The following FILIP1L variants were observed in gnomAD, a reference collection of about 807,000 sequenced individuals.
FILIP1L encodes the protein filamin A-interacting protein 1-like.
FILIP1L carries 55 observed loss-of-function variants against 96.6 expected under a neutral mutation model. The ratio of observed to expected loss-of-function variants is 0.57; its 90% CI spans 0.46 to 0.71. FILIP1L has a LOEUF of 0.71. Among genes scored for constraint, FILIP1L ranks in the 30% least tolerant of loss-of-function variants. The pLI is 0.00. For missense variants in FILIP1L, 1,304 were observed against 1,321.2 expected (o/e 0.99, Z 0.20); for synonymous variants, 467 against 473.9 (o/e 0.99, Z 0.19).
At chr3:99,942,577 A>G (rs1230928493) in intron 1 of FILIP1L, among the ~76,000 whole-genome samples, 2 of 152,246 alleles carry the variant, frequency 1.3e-5, no homozygotes, top group Non-Finnish European at 2.9e-5. Context: ...CACGCCTGTA[A>G]TCCCAGCCCT....
intron 1 of FILIP1L, among the ~76,000 whole-genome samples, chr3:100,046,222 C>A (rs2065276947): frequency 6.6e-6 from 1 of 152,060 alleles, no homozygotes; most frequent in African/African-American, 2.4e-5. Flanking sequence ...TGATCAGGGC[C>A]AGGATATTCC....
At chr3:99,983,392 A>ATGTG (rs1314015302) in intron 1 of FILIP1L, among the ~76,000 whole-genome samples, 9 of 22,656 alleles carry the variant, frequency 4.0e-4, no homozygotes, top group Non-Finnish European at 9.0e-4. Flanking sequence ...ATAAATAAAT[A>ATGTG]TATATATATA....
At position 99,925,864 on chromosome 3, in the gene FILIP1L, T is replaced by A. The variant is rs965266090; in HGVS notation, c.427-1456A>T. On this transcript the variant is annotated intron_variant, in intron 3 of 5. Transcript: ENST00000477258. Reference sequence around the variant, plus strand: ...AGACAGCCAAGCTCACTGGGCTGGTTTATCAGCTCCTGGCCTTGAGCTCCA... The same window carrying A: ...AGACAGCCAAGCTCACTGGGCTGGTATATCAGCTCCTGGCCTTGAGCTCCA... 17 of 985,320 alleles carry A rather than the reference T, an allele frequency of 1.7e-5. No homozygotes were observed. The African/African-American group carries it at 3.0e-4, about 17-fold the overall frequency. 61.0% of individuals were successfully genotyped at this position (985,320 alleles called of 1,614,324 possible).
chr3:99,837,009 C>G (rs1266298218), intron 5 of FILIP1L, among the ~76,000 whole-genome samples: 1 of 152,142 alleles, frequency 6.6e-6, no homozygotes, highest in Non-Finnish European at 1.5e-5. Flanking sequence ...ATAGGTTTGG[C>G]CTAAAAAAAT....
chr3:100,014,030 T>C (rs113684293), intron 1 of FILIP1L, among the ~76,000 whole-genome samples: 1 of 152,006 alleles, frequency 6.6e-6, no homozygotes. Context: ...CTGCTATGAA[T>C]TTGATTTTTT....
intron 4 of FILIP1L, among the ~76,000 whole-genome samples, chr3:99,866,822 G>GT (rs1162282850): frequency 6.6e-6 from 1 of 152,126 alleles, no homozygotes; most frequent in East Asian, 1.9e-4. Context: ...TTACAGACAG[G>GT]TGGAAAAGTT....
intron 4 of FILIP1L, 21 bp downstream of exon 4, chr3:99,924,209 G>A: frequency 6.2e-7 from 1 of 1,606,514 alleles, no homozygotes; most frequent in South Asian, 1.1e-5. Context: ...ATGGGACATT[G>A]TTTGCCCAAA....
chr3:99,996,230 A>G (rs1356987276), intron 1 of FILIP1L, among the ~76,000 whole-genome samples: 3 of 152,166 alleles, frequency 2.0e-5, no homozygotes, highest in Admixed American at 6.5e-5. Flanking sequence ...AAGTTTCACA[A>G]ATCTCTAGGG....
chr3:100,052,290 A>G (rs1296580576), intron 1 of FILIP1L, among the ~76,000 whole-genome samples: 1 of 152,244 alleles, frequency 6.6e-6, no homozygotes, highest in Non-Finnish European at 1.5e-5. Context: ...AGAAACGAAT[A>G]AAAAACTAAT....
At chr3:99,888,580 AC>A (rs1705982780) in intron 4 of FILIP1L, among the ~76,000 whole-genome samples, 2 of 152,154 alleles carry the variant, frequency 1.3e-5, no homozygotes, top group South Asian at 4.1e-4. Context: ...TTGATCCATC[AC>A]TGAAAATAGA....
intron 1 of FILIP1L, among the ~76,000 whole-genome samples, chr3:99,976,499 T>C (rs1256148086): frequency 6.6e-6 from 1 of 152,198 alleles, no homozygotes; most frequent in Non-Finnish European, 1.5e-5. Flanking sequence ...TGGACCTGCA[T>C]GTTACTTCAG....
intron 5 of FILIP1L, among the ~76,000 whole-genome samples, chr3:99,830,985 T>C (rs750767223): frequency 4.6e-5 from 7 of 152,220 alleles, no homozygotes; most frequent in Non-Finnish European, 7.3e-5. Flanking sequence ...GAATATGGCA[T>C]TTGACTTGGG....
chr3:100,007,054 A>G (rs1008151501), intron 1 of FILIP1L, among the ~76,000 whole-genome samples: 3 of 152,200 alleles, frequency 2.0e-5, no homozygotes, highest in Non-Finnish European at 1.5e-5. Flanking sequence ...TATTTTCCAC[A>G]TGAGGTTTAC....
At chr3:100,050,448 T>G (rs1305218214) in intron 1 of FILIP1L, among the ~76,000 whole-genome samples, 1 of 152,224 alleles carries the variant, frequency 6.6e-6, no homozygotes, top group Non-Finnish European at 1.5e-5. Context: ...CTTATCTGAT[T>G]ATGGTAAGAT....
At chr3:99,860,850 C>T (rs1944214876) in intron 4 of FILIP1L, among the ~76,000 whole-genome samples, 3 of 152,086 alleles carry the variant, frequency 2.0e-5, no homozygotes, top group Admixed American at 1.3e-4. Flanking sequence ...CTAGTAAGAA[C>T]CTTTGGACAA....
chr3:99,987,528 C>CAAA (rs1209242716), intron 1 of FILIP1L, among the ~76,000 whole-genome samples: 4 of 57,144 alleles, frequency 7.0e-5, no homozygotes, highest in African/African-American at 1.7e-4. Context: ...GATTCTGTCT[C>CAAA]AAAAAAAAAA....
intron 1 of FILIP1L, among the ~76,000 whole-genome samples, chr3:99,987,413 C>G (rs1709374756): frequency 6.6e-6 from 1 of 151,142 alleles, no homozygotes; most frequent in Non-Finnish European, 1.5e-5. Context: ...CCTGTTATCT[C>G]AGCTACTCGG....
intron 4 of FILIP1L, among the ~76,000 whole-genome samples, chr3:99,866,384 G>T (rs1463616191): frequency 6.6e-6 from 1 of 152,118 alleles, no homozygotes; most frequent in Non-Finnish European, 1.5e-5. Context: ...TAACTTGTTA[G>T]TGGGAAATTC....
intron 1 of FILIP1L, among the ~76,000 whole-genome samples, chr3:99,950,945 G>A (rs1014641973): frequency 1.3e-5 from 2 of 152,148 alleles, no homozygotes; most frequent in Non-Finnish European, 2.9e-5. Flanking sequence ...AGGGATTATT[G>A]GGTTTGACTC....
Sources: allele counts gnomAD v4.1 joint callset (sites outside exome capture counted in the v4.1 genomes callset), GRCh38; gene constraint gnomAD v4.1.1; transcripts MANE v1.5; gene names NCBI Gene and HGNC (gene_info 2026-07-23, HGNC 2026-07-21).